FAT3: variants seen among roughly 807,000 people sequenced by gnomAD.
FAT3 encodes the protein protocadherin Fat 3.
Under a neutral mutation model 310.2 loss-of-function variants are expected in FAT3, and 95 were observed. The observed-to-expected ratio is 0.31, with a 90% CI of 0.26 to 0.36. FAT3 has a LOEUF of 0.36. Among genes scored for constraint, FAT3 ranks in the 10% least tolerant of loss-of-function variants. FAT3 has a pLI of 1.00. For missense variants in FAT3, 5,408 were observed against 5,715.6 expected, an observed-to-expected ratio of 0.95 and a Z score of 1.74; for synonymous variants, 2,314 against 2,192.9, an observed-to-expected ratio of 1.06 and a Z score of -1.54.
chr11:92,809,229 G>A (rs992514902), intron 12 of FAT3, among the ~76,000 whole-genome samples: 8 of 152,208 alleles, frequency 5.3e-5, no homozygotes, highest in East Asian at 3.9e-4. Context: ...AGTTTTCTCC[G>A]ACTTGACTCC....
At chr11:92,732,234 G>A (rs1268741373) in intron 4 of FAT3, among the ~76,000 whole-genome samples, 1 of 152,190 alleles carries the variant, frequency 6.6e-6, no homozygotes, top group Non-Finnish European at 1.5e-5. Flanking sequence ...TTATAATACA[G>A]AGAGTGACTG....
intron 2 of FAT3, among the ~76,000 whole-genome samples, chr11:92,478,213 A>G (rs1952099383): frequency 6.6e-6 from 1 of 152,216 alleles, no homozygotes; most frequent in African/African-American, 2.4e-5. Flanking sequence ...CTGGTAACCG[A>G]ATTCATCACC....
intron 27 of FAT3, 113 bp downstream of exon 27, chr11:92,890,004 G>T: frequency 1.4e-6 from 1 of 716,076 alleles, no homozygotes; most frequent in Non-Finnish European, 2.6e-6. Context: ...CATGTCTCAG[G>T]TGTCTCGTGC....
chr11:92,304,729 C>G (rs975771531), intron 1 of FAT3, among the ~76,000 whole-genome samples: 1 of 151,990 alleles, frequency 6.6e-6, no homozygotes, highest in Admixed American at 6.6e-5. Flanking sequence ...CCTGCATTGA[C>G]CTGGAGGAGG....
chr11:92,553,979 T>C (rs1237862337), intron 3 of FAT3, among the ~76,000 whole-genome samples: 1 of 151,800 alleles, frequency 6.6e-6, no homozygotes, highest in African/African-American at 2.4e-5. Flanking sequence ...ATAATGTTTG[T>C]ATCTTTAGTA....
chr11:92,792,071 T>TACC (rs1367805345), intron 8 of FAT3, among the ~76,000 whole-genome samples: 2 of 152,238 alleles, frequency 1.3e-5, no homozygotes, highest in Admixed American at 6.5e-5. Flanking sequence ...CACACACTAC[T>TACC]ACCACCACCA....
In FAT3 at chr11:92,831,950, G is replaced by T. The variant is rs1948272207; in HGVS notation, c.9810G>T (p.Glu3270Asp). 6.3e-7 allele frequency: 1 copy of T among 1,589,688 alleles called. No homozygotes were observed. The highest frequency in any genetic ancestry group is 1.3e-5 in the African/African-American group (1 of 74,660). ...ATSKDIGTNA[E>D]ITYLIRSGNE... ...GCAAAGATATTGGCACAAATGCTGA[G>T]ATCACTTATCTCATCCGGTCTGGGA... The change falls in exon 14 of 28, where the codon GAG (glutamate) becomes GAT (aspartate). Residue 3270 changes from glutamate to aspartate, a missense_variant. Physicochemically the swap from Glu to Asp is conservative, Grantham distance 45. This residue lies in a region of FAT3 where 4,588 missense variants were observed against 4,809.8 expected (regional missense o/e 0.95). Transcript: ENST00000525166.
intron 4 of FAT3, among the ~76,000 whole-genome samples, chr11:92,750,644 C>T (rs1945805023): frequency 6.6e-6 from 1 of 152,086 alleles, no homozygotes; most frequent in Non-Finnish European, 1.5e-5. Flanking sequence ...TTCTCTCTCT[C>T]TCTCTCTCTC....
chr11:92,285,412 C>T (rs747151494), intron 1 of FAT3, among the ~76,000 whole-genome samples: 3 of 152,042 alleles, frequency 2.0e-5, no homozygotes, highest in South Asian at 2.1e-4. Context: ...TGGAAAAAAG[C>T]GAATATGCTG....
chr11:92,881,125 G>A (rs1408641247), intron 23 of FAT3, among the ~76,000 whole-genome samples: 1 of 152,140 alleles, frequency 6.6e-6, no homozygotes, highest in Non-Finnish European at 1.5e-5. Flanking sequence ...CTTCAAAATT[G>A]TGTATGATTA....
At chr11:92,735,748 A>G (rs79692386) in intron 4 of FAT3, among the ~76,000 whole-genome samples, 1,544 of 151,712 alleles carry the variant, frequency 0.01, 24 homozygotes, top group African/African-American at 0.034. Context: ...GGACTATTAC[A>G]TACTAGATTC....
rs768077059 is a variant in FAT3 at position 92,801,038 on chromosome 11, G to T, written c.8025G>T (p.Ser2675=). The T allele has an allele frequency of 6.2e-7, 1 of 1,613,754 alleles. No homozygotes were observed. The highest frequency in any genetic ancestry group is 1.1e-5 in the South Asian group (1 of 91,012). ...NFNQLKNTVL[S]FFVKAVDGGI... ...ACCAGCTGAAAAATACAGTGCTTTC[G>T]TTCTTTGTCAAAGCAGTAGATGGGG... Residue 2675 remains serine, a synonymous_variant, in exon 10 of 28, where the codon TCG becomes TCT. Transcript: ENST00000525166.
At chr11:92,504,391 T>G (rs972136580) in intron 2 of FAT3, among the ~76,000 whole-genome samples, 1 of 152,136 alleles carries the variant, frequency 6.6e-6, no homozygotes, top group Admixed American at 6.6e-5. Flanking sequence ...CACTCAACTT[T>G]GATAGCAGAA....
chr11:92,635,544 G>A (rs73556416), intron 3 of FAT3, among the ~76,000 whole-genome samples: 2,144 of 152,270 alleles, frequency 0.014, 69 homozygotes, highest in African/African-American at 0.049. Context: ...AGAGTTCTTA[G>A]GCTTCAACTC....
intron 4 of FAT3, among the ~76,000 whole-genome samples, chr11:92,718,392 G>T (rs1944753597): frequency 2.0e-5 from 3 of 152,054 alleles, no homozygotes; most frequent in Non-Finnish European, 2.9e-5. Context: ...ACTAGGTGAG[G>T]GTTCCTGCGC....
intron 2 of FAT3, among the ~76,000 whole-genome samples, chr11:92,415,429 A>G (rs1950386110): frequency 6.6e-6 from 1 of 152,166 alleles, no homozygotes; most frequent in South Asian, 2.1e-4. Context: ...TTGGAGTGGG[A>G]ACAGATGCTT....
chr11:92,576,563 A>G (rs533822777), intron 3 of FAT3, among the ~76,000 whole-genome samples: 1 of 152,268 alleles, frequency 6.6e-6, no homozygotes, highest in South Asian at 2.1e-4. Flanking sequence ...AGCCTCTGTG[A>G]TAAAATGCTA....
rs557629132 is a variant in FAT3, at chr11:92,584,483, C to T, written c.3607+59535C>T. ...AAAATATTTGACAGCTTTTTTTCCCCCCCTTTTCATCTTATTGTCCAAATG... is the reference window on the plus strand; with the variant it reads ...AAAATATTTGACAGCTTTTTTTCCCTCCCTTTTCATCTTATTGTCCAAATG... On this transcript the variant is annotated intron_variant, in intron 3 of 27. Transcript: ENST00000525166. Among the ~76,000 whole-genome samples, 171 of 152,000 alleles carry T rather than the reference C, an allele frequency of 1.1e-3. 1 individual carries two copies. Among genetic ancestry groups the T allele is most frequent in the East Asian group, 3.9e-4 (2 of 5,154 alleles).
At chr11:92,709,193 G>T (rs544656453) in intron 4 of FAT3, among the ~76,000 whole-genome samples, 2 of 152,136 alleles carry the variant, frequency 1.3e-5, no homozygotes, top group African/African-American at 4.8e-5. Context: ...CCCCTTTAAG[G>T]TCTTAAATTG....
Sources: gnomAD v4.1 joint callset for allele counts (sites outside exome capture counted in the v4.1 genomes callset) on GRCh38, gnomAD v4.1.1 for gene constraint, gnomAD v4.1.1 regional missense constraint, MANE v1.5 for transcripts, NCBI Gene and HGNC (gene_info 2026-07-23, HGNC 2026-07-21) for gene names.